The following ERICH6 variants were observed in gnomAD, a reference collection of about 807,000 sequenced individuals.
ERICH6 encodes the protein glutamate-rich protein 6.
Under a neutral mutation model 71.0 loss-of-function variants are expected in ERICH6, and 71 were observed. That is an observed-to-expected ratio of 1.00 (90% CI 0.83 to 1.22). The LOEUF (loss-of-function observed/expected upper bound fraction) is 1.22. ERICH6 is among the 50% of genes most tolerant of loss of function. The pLI is 0.00. For synonymous variants in ERICH6, 262 were observed against 278.4 expected (o/e 0.94, Z 0.59); for missense variants, 808 against 797.2 (o/e 1.01, Z -0.16).
chr3:150,675,330 G>T (rs1711610983), intron 10 of ERICH6, among the ~76,000 whole-genome samples: 1 of 151,858 alleles, frequency 6.6e-6, no homozygotes, highest in Non-Finnish European at 1.5e-5. Flanking sequence ...ATTTTATAAA[G>T]TGATCCTCTT....
rs1713026756 is a variant in ERICH6 at position 150,703,589 on chromosome 3, G to A, written c.310C>T (p.Pro104Ser). 1.2e-6 allele frequency: 2 copies of A among 1,613,950 alleles called. No individual in the cohort carries two copies. Among genetic ancestry groups the A allele is most frequent in the Non-Finnish European group, 1.7e-6 (2 of 1,180,030 alleles). ...VRPRLASIVS[P>S]SLTSTFVPSQ... ...GGCACGAACGTAGAGGTCAGGCTAG[G>A]GCTGACGATGCTGGCTAAGCGGGGG... Residue 104 changes from proline to serine, a missense_variant, in exon 1 of 14, where the codon CCT (proline) becomes TCT (serine). This residue lies in a region of ERICH6 where 736 missense variants were observed against 712.2 expected (regional missense o/e 1.03). Transcript: ENST00000295910.
chr3:150,673,133 C>CCTTCCTTCCTTCCTT (rs1711529951), intron 11 of ERICH6, among the ~76,000 whole-genome samples: 1 of 139,600 alleles, frequency 7.2e-6, no homozygotes, highest in African/African-American at 2.9e-5. Flanking sequence ...CTTCCTTCTT[C>CCTTCCTTCCTTCCTT]CTTCCTTCCT....
chr3:150,678,949 G>A (rs979040975), intron 9 of ERICH6, among the ~76,000 whole-genome samples: 3 of 141,990 alleles, frequency 2.1e-5, no homozygotes, highest in African/African-American at 8.0e-5. Flanking sequence ...GCTAAGGCAG[G>A]AAAATTGAAC....
At chr3:150,671,864 A>G (rs1711504287) in intron 11 of ERICH6, among the ~76,000 whole-genome samples, 1 of 152,186 alleles carries the variant, frequency 6.6e-6, no homozygotes, top group African/African-American at 2.4e-5. Context: ...TGCTGAGCTC[A>G]TGCGATCTGC....
Position 150,659,887 on chromosome 3 carries a change from C to G in ERICH6, c.*5G>C, listed in dbSNP as rs3765005. The G allele has an allele frequency of 0.032, 51,401 of 1,591,998 alleles. 996 individuals are homozygous for G. Among genetic ancestry groups the G allele is most frequent in the South Asian group, 0.054 (4,700 of 87,056 alleles). On this transcript the variant is annotated 3_prime_UTR_variant, in exon 14 of 14. Transcript: ENST00000295910. ...CAAAACAAATGAAAGCACCATCATT[C>G]TTAGTTAAATTTCTTCATTTATTAT... is the stretch of plus-strand genomic sequence containing the variant.
chr3:150,672,629 TTTC>T (rs2108047924), intron 11 of ERICH6, among the ~76,000 whole-genome samples: 1 of 150,090 alleles, frequency 6.7e-6, no homozygotes, highest in African/African-American at 2.5e-5. Context: ...TATTTTTCTT[TTTC>T]TTTTTTTATT....
intron 7 of ERICH6, among the ~76,000 whole-genome samples, chr3:150,681,807 CTTTTTTTTT>C (rs34909258): frequency 1.1e-4 from 8 of 70,278 alleles, no homozygotes; most frequent in Admixed American, 6.9e-4. Flanking sequence ...ACACATAACT[CTTTTTTTTT>C]TTTTTTTTTT....
chr3:150,685,956 C>T lies in ERICH6; in HGVS notation c.666+10G>A, dbSNP rs1712167442. 4 of 1,604,602 alleles carry T rather than the reference C, an allele frequency of 2.5e-6. No homozygotes were observed. The South Asian group carries it at 3.3e-5, about 13-fold the overall frequency. On this transcript the variant is annotated intron_variant, in intron 5 of 13. Transcript: ENST00000295910. ...ACAGTGTACTAGTTAGTATGATAAA[C>T]ATTTCTTACCTCCAGCTCATATAAA...
chr3:150,695,681 A>G (rs1292475294), intron 3 of ERICH6, among the ~76,000 whole-genome samples: 2 of 151,908 alleles, frequency 1.3e-5, no homozygotes, highest in Admixed American at 6.6e-5. Flanking sequence ...AGAGAAAGAA[A>G]AAAAGACCCC....
In ERICH6 at chr3:150,682,244, C is replaced by G; in HGVS notation, c.856G>C (p.Asp286His). Residue 286 changes from aspartate to histidine, a missense_variant, in exon 7 of 14, where the codon GAT (aspartate) becomes CAT (histidine). Physicochemically the swap from Asp to His is moderately conservative, Grantham distance 81 (BLOSUM62 -1). Around this residue, in one of 3 missense-constraint regions of ERICH6, gnomAD observed 736 missense variants for 712.2 expected, o/e 1.03. Coordinates refer to ENST00000295910, the MANE Select transcript of ERICH6 (RefSeq NM_152394.5). The stretch of plus-strand genomic sequence containing the variant: ...TGCCCTTTTGGTTCAGAGGAAACAT[C>G]CACATTAGAAAAAAATGCTCTTAGA... ...SDLRAFFSNV[D>H]VSSEPKGHAS... is the part of the protein sequence containing the mutation. 10 of 1,613,926 alleles carry G rather than the reference C, an allele frequency of 6.2e-6. No individual in the cohort carries two copies. The highest frequency in any genetic ancestry group is 7.6e-6 in the Non-Finnish European group (9 of 1,179,998).
intron 12 of ERICH6, among the ~76,000 whole-genome samples, chr3:150,668,871 A>G (rs1396900830): frequency 2.0e-5 from 3 of 152,150 alleles, no homozygotes; most frequent in African/African-American, 7.2e-5. Context: ...ACTAGTTAGG[A>G]ATGTATCTCA....
intron 10 of ERICH6, among the ~76,000 whole-genome samples, chr3:150,675,687 A>G (rs369188625): frequency 2.3e-4 from 35 of 151,448 alleles, no homozygotes; most frequent in African/African-American, 8.2e-4. Context: ...AACTGGGTAT[A>G]GAATTCTAGA....
At position 150,698,121 on chromosome 3, in the gene ERICH6, C is replaced by G. The variant is rs531255440; in HGVS notation, c.553+670G>C. On this transcript the variant is annotated intron_variant, in intron 3 of 13. Coordinates refer to ENST00000295910, the MANE Select transcript of ERICH6 (RefSeq NM_152394.5). ...ACTTTCCAACCCCTTCCCTGCTTTA[C>G]TTTTCTTCTTAGCACTTACATCATC... Among the ~76,000 whole-genome samples, 13 of 152,328 alleles carry G rather than the reference C, an allele frequency of 8.5e-5. No individual in the cohort carries two copies. The South Asian group carries it at 2.7e-3, about 32-fold the overall frequency.
At chr3:150,670,243 G>C (rs1272416528) in intron 11 of ERICH6, among the ~76,000 whole-genome samples, 1 of 152,118 alleles carries the variant, frequency 6.6e-6, no homozygotes, top group African/African-American at 2.4e-5. Flanking sequence ...TCAGCACTTG[G>C]GGAGGCTGAG....
At chr3:150,692,847 C>T (rs970293820) in intron 3 of ERICH6, among the ~76,000 whole-genome samples, 16 of 152,024 alleles carry the variant, frequency 1.1e-4, no homozygotes, top group African/African-American at 3.6e-4. Flanking sequence ...AGTTATAAAA[C>T]TCTTAACAGG....
intron 1 of ERICH6, among the ~76,000 whole-genome samples, chr3:150,702,889 A>AGT (rs10663390): frequency 0.18 from 20,134 of 113,200 alleles, 1,972 homozygotes; most frequent in African/African-American, 0.25. Context: ...AAATAATATG[A>AGT]GTGTGTGTGT....
At chr3:150,682,984 G>A (rs576153497) in intron 6 of ERICH6, among the ~76,000 whole-genome samples, 1 of 152,292 alleles carries the variant, frequency 6.6e-6, no homozygotes, top group Non-Finnish European at 1.5e-5. Flanking sequence ...CTGAGGTCAT[G>A]TCTGTGATTG....
chr3:150,685,271 T>C (rs1452924440), intron 6 of ERICH6, among the ~76,000 whole-genome samples: 1 of 152,154 alleles, frequency 6.6e-6, no homozygotes, highest in East Asian at 1.9e-4. Flanking sequence ...CAAGTTAAGA[T>C]GAGGTCATGA....
chr3:150,671,185 G>T (rs1220724685), intron 11 of ERICH6, among the ~76,000 whole-genome samples: 3 of 152,114 alleles, frequency 2.0e-5, no homozygotes, highest in Non-Finnish European at 4.4e-5. Flanking sequence ...ATAAGGTCTA[G>T]GGAACTAAAA....
Sources: allele counts gnomAD v4.1 joint callset (sites outside exome capture counted in the v4.1 genomes callset), GRCh38; gene constraint gnomAD v4.1.1; regional missense constraint gnomAD v4.1.1; transcripts MANE v1.5; gene names NCBI Gene and HGNC (gene_info 2026-07-23, HGNC 2026-07-21).